Variants in TCF4 observed in about 807,000 individuals in gnomAD.
The protein encoded by TCF4 is SL3-3 enhancer factor 2.
A neutral mutation model predicts 82.1 loss-of-function variants in TCF4; 3 were observed. The ratio of observed to expected loss-of-function variants is 0.04; its 90% CI spans 0.02 to 0.09. The LOEUF is 0.09. Ranked by LOEUF, TCF4 falls within the 10% of genes least tolerant of loss-of-function variation. The pLI is 1.00. For synonymous variants in TCF4, 276 were observed against 309.6 expected, an observed-to-expected ratio of 0.89 and a Z score of 1.14; for missense variants, 518 against 852.7, an observed-to-expected ratio of 0.61 and a Z score of 4.89.
At chr18:55,384,814 G>C (rs2092433187) in intron 6 of TCF4, among the ~76,000 whole-genome samples, 1 of 152,126 alleles carries the variant, frequency 6.6e-6, no homozygotes, top group Admixed American at 6.6e-5. Flanking sequence ...ATTGGCGGTG[G>C]GGTCAGTGGA....
At chr18:55,488,524 T>C (rs983224044) in intron 3 of TCF4, among the ~76,000 whole-genome samples, 1 of 151,872 alleles carries the variant, frequency 6.6e-6, no homozygotes, top group Non-Finnish European at 1.5e-5. Context: ...AGGATAAAAA[T>C]TGAAAGGTGC....
At chr18:55,283,715 T>G (rs1425135711) in intron 8 of TCF4, among the ~76,000 whole-genome samples, 1 of 152,202 alleles carries the variant, frequency 6.6e-6, no homozygotes, top group Non-Finnish European at 1.5e-5. Flanking sequence ...GGTCCTCAGA[T>G]TCCTGCTTGT....
chr18:55,482,033 T>C (rs1262321207), intron 3 of TCF4: 1 of 152,170 alleles, frequency 6.6e-6, no homozygotes, highest in African/African-American at 2.4e-5. Flanking sequence ...GCATCAGGAT[T>C]GGAGAAGGGC....
At chr18:55,542,993 G>T (rs1270497681) in intron 3 of TCF4, among the ~76,000 whole-genome samples, 3 of 151,992 alleles carry the variant, frequency 2.0e-5, no homozygotes, top group Non-Finnish European at 4.4e-5. Flanking sequence ...AAGCAAAGAG[G>T]TTTGCACATA....
intron 6 of TCF4, among the ~76,000 whole-genome samples, chr18:55,362,143 C>A (rs375044013): frequency 6.6e-6 from 1 of 151,956 alleles, no homozygotes; most frequent in South Asian, 2.1e-4. Flanking sequence ...AGAACTTCAG[C>A]TCTAGTCAAA....
intron 1 of TCF4, among the ~76,000 whole-genome samples, chr18:55,632,295 C>T (rs2097732367): frequency 6.6e-6 from 1 of 152,204 alleles, no homozygotes; most frequent in Non-Finnish European, 1.5e-5. Flanking sequence ...GCCTCGGCCT[C>T]CCAAAGTGCT....
chr18:55,395,563 T>G (rs1430233639), intron 6 of TCF4, among the ~76,000 whole-genome samples: 2 of 152,220 alleles, frequency 1.3e-5, no homozygotes, highest in Non-Finnish European at 2.9e-5. Context: ...GCACATATTC[T>G]GTTGTTTCAT....
At chr18:55,257,183 C>T in intron 14 of TCF4, 132 bp downstream of exon 14, 2 of 936,696 alleles carry the variant, frequency 2.1e-6, no homozygotes, top group Non-Finnish European at 3.4e-6. Context: ...CTGGCTCCCG[C>T]AAACCTGTGT....
intron 5 of TCF4, among the ~76,000 whole-genome samples, chr18:55,413,285 T>C (rs2094420349): frequency 6.6e-6 from 1 of 152,192 alleles, no homozygotes; most frequent in African/African-American, 2.4e-5. Context: ...TCTCTAGCCT[T>C]AGCACTGAAT....
chr18:55,431,933 C>T (rs564115221), intron 5 of TCF4, among the ~76,000 whole-genome samples: 7 of 152,218 alleles, frequency 4.6e-5, no homozygotes, highest in African/African-American at 1.2e-4. Flanking sequence ...AGGCGGTGCA[C>T]GGATATCTCT....
chr18:55,439,983 C>T (rs2095409860), intron 5 of TCF4, among the ~76,000 whole-genome samples: 1 of 152,144 alleles, frequency 6.6e-6, no homozygotes, highest in Non-Finnish European at 1.5e-5. Flanking sequence ...CTCGGCCTCC[C>T]AAAGAGCTGA....
intron 3 of TCF4, among the ~76,000 whole-genome samples, chr18:55,477,960 T>C (rs1440841374): frequency 6.6e-6 from 1 of 152,144 alleles, no homozygotes; most frequent in African/African-American, 2.4e-5. Context: ...TCTGAGGTAC[T>C]GGTCTTACCA....
At chr18:55,444,940 G>A (rs2095500510) in intron 5 of TCF4, among the ~76,000 whole-genome samples, 1 of 152,044 alleles carries the variant, frequency 6.6e-6, no homozygotes. Context: ...TTGCCCATCA[G>A]TTACCAAGTC....
At chr18:55,534,706 A>G (rs2097100228) in intron 3 of TCF4, among the ~76,000 whole-genome samples, 2 of 152,244 alleles carry the variant, frequency 1.3e-5, no homozygotes, top group Non-Finnish European at 2.9e-5. Flanking sequence ...AGCTTAAAAA[A>G]AACCCCTTTT....
rs2097733378 is a variant in TCF4 at position 55,633,521 on chromosome 18, A to C, written c.196-2133T>G. Among the ~76,000 whole-genome samples, 3 of 152,158 alleles carry C rather than the reference A, an allele frequency of 2.0e-5. No individual in the cohort carries two copies. The highest frequency in any genetic ancestry group is 2.0e-4 in the Admixed American group (3 of 15,280). ...AGTCACGAATTCCAGCCTATATTCA[A>C]GGGGATGGGGGCTCCACCTTTTGAA... On this transcript the variant is annotated intron_variant, in intron 1 of 20. Coordinates refer to the TCF4 transcript ENST00000398339. The surrounding 1 kb of genome is among the most constrained non-coding windows in gnomAD (Gnocchi z 4.0).
chr18:55,378,682 C>T (rs1034157061), intron 6 of TCF4, among the ~76,000 whole-genome samples: 2 of 152,122 alleles, frequency 1.3e-5, no homozygotes, highest in Admixed American at 6.5e-5. Context: ...ACAGAGCAAC[C>T]GAATTATGGA....
At chr18:55,629,319 A>G (rs535049460) in intron 2 of TCF4, among the ~76,000 whole-genome samples, 1 of 152,302 alleles carries the variant, frequency 6.6e-6, no homozygotes, top group African/African-American at 2.4e-5. Context: ...AGCATTGGCT[A>G]TTATGCCTCC....
chr18:55,301,623 T>C (rs867153422), intron 8 of TCF4, among the ~76,000 whole-genome samples: 16 of 152,206 alleles, frequency 1.1e-4, no homozygotes, highest in Middle Eastern at 3.4e-3. Context: ...TCTAGTCTTA[T>C]AGATCTTATG....
At chr18:55,469,895 A>G (rs769370334) in intron 3 of TCF4, among the ~76,000 whole-genome samples, 1 of 152,244 alleles carries the variant, frequency 6.6e-6, no homozygotes, top group Non-Finnish European at 1.5e-5. Context: ...AAAATGATGG[A>G]TAACAGTTTT....
Sources: gnomAD v4.1 joint callset for allele counts (sites outside exome capture counted in the v4.1 genomes callset) on GRCh38, gnomAD v4.1.1 for gene constraint, Gnocchi (gnomAD v3.1) non-coding constraint, MANE v1.5 for transcripts, NCBI Gene and HGNC (gene_info 2026-07-23, HGNC 2026-07-21) for gene names.